The following IRS1 variants were observed in gnomAD, a reference collection of about 807,000 sequenced individuals.
IRS1 encodes the protein insulin receptor substrate 1.
IRS1 carries 34 observed loss-of-function variants against 65.6 expected under a neutral mutation model. The observed-to-expected ratio is 0.52, with a 90% CI of 0.39 to 0.69. IRS1 has a LOEUF of 0.69. Among genes scored for constraint, IRS1 ranks in the 30% least tolerant of loss-of-function variants. The pLI, the probability that IRS1 is intolerant of heterozygous loss-of-function variation, is 0.00. For missense variants in IRS1, 1,641 were observed against 1,720.2 expected (o/e 0.95, Z 0.81); for synonymous variants, 699 against 683.5 (o/e 1.02, Z -0.35).
intron 1 of IRS1, among the ~76,000 whole-genome samples, chr2:226,775,398 G>A (rs528339236): frequency 1.3e-5 from 2 of 152,302 alleles, no homozygotes; most frequent in East Asian, 1.9e-4. Flanking sequence ...AGTAACAGCC[G>A]GACTTCACAC....
intron 1 of IRS1, among the ~76,000 whole-genome samples, chr2:226,765,148 G>C (rs1170912448): frequency 6.6e-6 from 1 of 152,116 alleles, no homozygotes; most frequent in Non-Finnish European, 1.5e-5. Flanking sequence ...ATGTTGCCCA[G>C]GTTGACTCAA....
In IRS1 at chr2:226,797,566, ACTGACCGGG is replaced by A; in HGVS notation, c.1164_1172del (p.Pro389_Ser391del). On this transcript the variant is annotated inframe_deletion, in exon 1 of 2. Transcript: ENST00000305123. This position sits in a 1 kb window ranked among gnomAD's most constrained non-coding sequence, Gnocchi z 8.1. ...GGCCACTGGTGCTACTGGACGACAGACTGACCGGGCTGGTGGCCGAAGGCGAGCAGCGGG... is the reference window on the plus strand; with the variant it reads ...GGCCACTGGTGCTACTGGACGACAGACTGGTGGCCGAAGGCGAGCAGCGGG... 6.2e-7 allele frequency: 1 copy of A among 1,600,688 alleles called. No individual in the cohort carries two copies. Among genetic ancestry groups the A allele is most frequent in the Non-Finnish European group, 8.5e-7 (1 of 1,175,022 alleles).
intron 1 of IRS1, among the ~76,000 whole-genome samples, chr2:226,790,823 T>G (rs1184188884): frequency 6.6e-6 from 1 of 152,160 alleles, no homozygotes; most frequent in Admixed American, 6.5e-5. Context: ...GTAATATATC[T>G]CACATAATTT....
chr2:226,741,786 A>AACACACACACACACACACAC (rs145806509), intron 1 of IRS1, among the ~76,000 whole-genome samples: 2 of 138,458 alleles, frequency 1.4e-5, no homozygotes, highest in African/African-American at 5.4e-5. Context: ...GAGCCCAGTA[A>AACACACACACACACACACAC]ACACACACAC....
intron 1 of IRS1, among the ~76,000 whole-genome samples, chr2:226,766,123 A>T (rs1382033914): frequency 9.4e-3 from 35 of 3,724 alleles, no homozygotes; most frequent in Non-Finnish European, 0.016. Flanking sequence ...TCTTAATCTT[A>T]TATATATATA....
At chr2:226,788,978 A>C (rs1351308175) in intron 1 of IRS1, among the ~76,000 whole-genome samples, 1 of 152,232 alleles carries the variant, frequency 6.6e-6, no homozygotes, top group Non-Finnish European at 1.5e-5. Context: ...GTATGAAAAA[A>C]AGTTACAGGA....
Position 226,797,225 on chromosome 2 carries a change from G to C in IRS1, c.1514C>G (p.Ala505Gly). 3 of 1,613,620 alleles carry C rather than the reference G, an allele frequency of 1.9e-6. No individual in the cohort carries two copies. Among genetic ancestry groups the C allele is most frequent in the Non-Finnish European group, 2.5e-6 (3 of 1,180,002 alleles). ...ACTGGCTGCTTCATCCCCAGCCAAG[G>C]CTGGACTCGTGCCCAAGCCTGTTCC... ...TPGTGLGTSP[A>G]LAGDEAASAA... Residue 505 changes from alanine to glycine, a missense_variant, in exon 1 of 2, where the codon GCC becomes GGC. By Grantham distance (60) the Ala-to-Gly change is moderately conservative. This residue lies in a region of IRS1 where 1,324 missense variants were observed against 1,361.0 expected (regional missense o/e 0.97). Coordinates refer to ENST00000305123, the MANE Select transcript of IRS1 (RefSeq NM_005544.3). This position sits in a 1 kb window ranked among gnomAD's most constrained non-coding sequence, Gnocchi z 8.1.
chr2:226,748,272 T>C (rs1199020633), intron 1 of IRS1, among the ~76,000 whole-genome samples: 1 of 151,530 alleles, frequency 6.6e-6, no homozygotes, highest in East Asian at 1.9e-4. Context: ...CTACTAAAAA[T>C]ACAAAAATTT....
intron 1 of IRS1, among the ~76,000 whole-genome samples, chr2:226,778,317 A>C (rs1285580038): frequency 6.6e-6 from 1 of 152,188 alleles, no homozygotes; most frequent in Non-Finnish European, 1.5e-5. Context: ...GAAGGATTTA[A>C]GTTAGCGATA....
At chr2:226,784,631 C>T (rs1229902564) in intron 1 of IRS1, among the ~76,000 whole-genome samples, 2 of 152,188 alleles carry the variant, frequency 1.3e-5, no homozygotes, top group African/African-American at 2.4e-5. Context: ...CCATGATGGC[C>T]AGGCTGGTCT....
At chr2:226,751,408 C>T (rs1938678811) in intron 1 of IRS1, among the ~76,000 whole-genome samples, 2 of 151,452 alleles carry the variant, frequency 1.3e-5, no homozygotes, top group African/African-American at 2.4e-5. Flanking sequence ...CTCAGCCTCC[C>T]GAGTAGCTGG....
chr2:226,732,969 A>C lies in IRS1; in HGVS notation c.*3303T>G, dbSNP rs571127320. On this transcript the variant is annotated 3_prime_UTR_variant, in exon 2 of 2. Coordinates refer to ENST00000305123, the MANE Select transcript of IRS1 (RefSeq NM_005544.3). ...GAGTGCTCTGCAAAAGCAGCATGAGACCAAATATGGGGTCATTGTCACCAG... is the reference window on the plus strand; with the variant it reads ...GAGTGCTCTGCAAAAGCAGCATGAGCCCAAATATGGGGTCATTGTCACCAG... 1 of 152,290 alleles carries C rather than the reference A, an allele frequency of 6.6e-6. No individual in the cohort carries two copies. Among genetic ancestry groups the C allele is most frequent in the South Asian group, 2.1e-4 (1 of 4,816 alleles). 9.4% of individuals were successfully genotyped at this position (152,290 alleles called of 1,614,324 possible).
rs1158958276 is a variant in IRS1 at position 226,797,995 on chromosome 2, G to T, written c.744C>A (p.Asn248Lys). The change falls in exon 1 of 2, where the codon AAC becomes AAA. Residue 248 changes from asparagine (N) to lysine (K), a missense_variant. Asn to Lys is a moderately conservative substitution (Grantham distance 94). This residue lies in a region of IRS1 where 77 missense variants were observed against 129.6 expected (regional missense o/e 0.59). Coordinates refer to ENST00000305123, the MANE Select transcript of IRS1 (RefSeq NM_005544.3). The surrounding 1 kb of genome is among the most constrained non-coding windows in gnomAD (Gnocchi z 8.1). ...TGGCCTCCAGGATGGTCTCGTGCAT[G>T]TTCTGGGCCACCACAGAGTCATCCA... The part of the protein sequence containing the change: ...MQVDDSVVAQ[N>K]MHETILEAMR... The T allele has an allele frequency of 6.2e-7, 1 of 1,614,106 alleles. No homozygotes were observed. The highest frequency in any genetic ancestry group is 1.1e-5 in the South Asian group (1 of 91,082).
intron 1 of IRS1, among the ~76,000 whole-genome samples, chr2:226,772,878 C>A (rs1280585969): frequency 1.3e-5 from 2 of 152,080 alleles, no homozygotes; most frequent in Non-Finnish European, 2.9e-5. Context: ...ACCACAGAAC[C>A]TCACATTTAG....
rs767455507 is a variant in IRS1 at position 226,798,748 on chromosome 2, G to A, written c.-10C>T. 14 of 1,608,500 alleles carry A rather than the reference G, an allele frequency of 8.7e-6. No individual in the cohort carries two copies. Among genetic ancestry groups the A allele is most frequent in the South Asian group, 1.1e-5 (1 of 90,718 alleles). ...CCGGAGGGCTCGCCATGCTGCCACC[G>A]CCACCACCAACGCTGAGCAGAGGGA... On this transcript the variant is annotated 5_prime_UTR_variant, in exon 1 of 2. Transcript: ENST00000305123. This position sits in a 1 kb window ranked among gnomAD's most constrained non-coding sequence, Gnocchi z 9.4.
At position 226,798,794 on chromosome 2, in the gene IRS1, T is replaced by TG. The variant is rs1035293347; in HGVS notation, c.-57dup. On this transcript the variant is annotated 5_prime_UTR_variant, in exon 1 of 2. Coordinates refer to ENST00000305123, the MANE Select transcript of IRS1 (RefSeq NM_005544.3). The surrounding 1 kb of genome is among the most constrained non-coding windows in gnomAD (Gnocchi z 9.4). ...AGGGAGGCTCCGAAAAACAACCGGG[T>TG]GGGGGGCGGAGGCTCCTCGCCGCGG... The TG allele has an allele frequency of 1.1e-5, 17 of 1,569,444 alleles. No homozygotes were observed. Among genetic ancestry groups the TG allele is most frequent in the African/African-American group, 2.7e-5 (2 of 73,586 alleles).
rs1473770836 is a variant in IRS1 at position 226,797,658 on chromosome 2, C to T, written c.1081G>A (p.Gly361Ser). ...TNRTHAHRHR[G>S]SARLHPPLNH... The stretch of plus-strand genomic sequence containing the variant: ...AGCGGGGGGTGCAGCCGGGCGCTGC[C>T]CCGATGCCGGTGGGCGTGGGTTCTG... The change falls in exon 1 of 2, where the codon GGC becomes AGC. Residue 361 changes from glycine to serine, a missense_variant. Gly to Ser is a moderately conservative substitution (Grantham distance 56). Around this residue, in one of 3 missense-constraint regions of IRS1, gnomAD observed 1,324 missense variants for 1,361.0 expected, o/e 0.97. Transcript: ENST00000305123. This position sits in a 1 kb window ranked among gnomAD's most constrained non-coding sequence, Gnocchi z 8.1. 1.3e-6 allele frequency: 2 copies of T among 1,594,150 alleles called. No homozygotes were observed. The highest frequency in any genetic ancestry group is 1.1e-5 in the South Asian group (1 of 89,896).
chr2:226,760,494 G>A (rs17268434), intron 1 of IRS1, among the ~76,000 whole-genome samples: 3,381 of 152,110 alleles, frequency 0.022, 49 homozygotes, highest in Non-Finnish European at 0.032. Flanking sequence ...AAATACATGC[G>A]GTCATAATTT....
intron 1 of IRS1, among the ~76,000 whole-genome samples, chr2:226,772,411 A>G (rs1014640460): frequency 1.9e-4 from 29 of 152,220 alleles, no homozygotes; most frequent in Non-Finnish European, 4.0e-4. Context: ...CGGGAATAAA[A>G]TTCACATCTC....
Sources: allele counts gnomAD v4.1 joint callset (sites outside exome capture counted in the v4.1 genomes callset), GRCh38; gene constraint gnomAD v4.1.1; regional missense constraint gnomAD v4.1.1; non-coding constraint Gnocchi (gnomAD v3.1); transcripts MANE v1.5; gene names NCBI Gene and HGNC (gene_info 2026-07-23, HGNC 2026-07-21).